Variants in QRICH2 observed in about 807,000 individuals in gnomAD.
The protein encoded by QRICH2 is glutamine-rich protein 2.
A neutral mutation model predicts 168.3 loss-of-function variants in QRICH2; 119 were observed. That is an observed-to-expected ratio of 0.71 (90% CI 0.61 to 0.82). The LOEUF (loss-of-function observed/expected upper bound fraction) is 0.82, where lower values mean the gene tolerates loss of function less well. QRICH2 is among the 40% of genes least tolerant of loss of function. The pLI, the probability that QRICH2 is intolerant of heterozygous loss-of-function variation, is 0.00. For synonymous variants in QRICH2, 894 were observed against 951.2 expected (o/e 0.94, Z 1.11); for missense variants, 2,241 against 2,491.6 (o/e 0.90, Z 2.14).
chr17:76,304,766 G>T, intron 2 of QRICH2, 116 bp downstream of exon 2: 1 of 834,138 alleles, frequency 1.2e-6, no homozygotes, highest in Non-Finnish European at 2.1e-6. Context: ...GCAGAGACTT[G>T]AGAGGCAGAG....
At chr17:76,308,807 A>G (rs991008741), upstream of QRICH2, among the ~76,000 whole-genome samples, 2 of 151,788 alleles carry the variant, frequency 1.3e-5, no homozygotes, top group African/African-American at 4.8e-5. Flanking sequence ...GTGCAATGGC[A>G]CGATCTCGGC....
At chr17:76,301,999 A>C (rs1172747908) in intron 3 of QRICH2, among the ~76,000 whole-genome samples, 1 of 151,794 alleles carries the variant, frequency 6.6e-6, no homozygotes, top group Non-Finnish European at 1.5e-5. Flanking sequence ...CCCGGGTTCA[A>C]ATGATTTTCC....
In QRICH2 at chr17:76,291,324, G is replaced by A. The variant is rs375728984; in HGVS notation, c.3403C>T (p.Arg1135Ter). The A allele has an allele frequency of 1.6e-5, 26 of 1,614,138 alleles. No individual in the cohort carries two copies. Among genetic ancestry groups the A allele is most frequent in the African/African-American group, 2.7e-5 (2 of 75,048 alleles). Residue 1135 changes from arginine to a stop codon, truncating the protein, a stop_gained, in exon 4 of 19, where the codon CGA becomes TGA. Transcript: ENST00000680821. LOFTEE classifies it high-confidence loss of function. Reference protein sequence around the residue: ...GQEGLDPNRTRASDRHGIPAQ... With the variant: ...GQEGLDPNRT ...GGAATTCCATGTCGGTCCGAGGCTC[G>A]TGTTCTATTTGGATCCAAACCTTCC... is the stretch of plus-strand genomic sequence containing the variant.
In QRICH2 at chr17:76,275,925, C is replaced by A; in HGVS notation, c.5376G>T (p.Lys1792Asn). ...RKDSSGTSKR[K>N]SQQPRPHVHR... The stretch of plus-strand genomic sequence containing the variant: ...GCACGTGGGGCCTGGGCTGCTGGGA[C>A]TTGCGCTTTGAGGTCCCTGAGCCTG... Residue 1792 changes from lysine to asparagine, a missense_variant, in exon 18 of 19, where the codon AAG (lysine) becomes AAT (asparagine). By Grantham distance (94) the Lys-to-Asn change is moderately conservative. This residue lies in a region of QRICH2 where 189 missense variants were observed against 169.3 expected (regional missense o/e 1.12). Transcript: ENST00000680821. The A allele has an allele frequency of 6.2e-7, 1 of 1,608,708 alleles. No individual in the cohort carries two copies. The highest frequency in any genetic ancestry group is 8.5e-7 in the Non-Finnish European group (1 of 1,179,920).
intron 12 of QRICH2, among the ~76,000 whole-genome samples, 191 bp from the exon 13 acceptor site, chr17:76,279,619 G>C (rs1450216755): frequency 6.6e-6 from 1 of 152,158 alleles, no homozygotes; most frequent in Non-Finnish European, 1.5e-5. Flanking sequence ...AAGCCAGCAG[G>C]CTTCCCATGG....
rs558814781 is a variant in QRICH2 at position 76,307,950 on chromosome 17, T to C, written c.49A>G (p.Ile17Val). Reference protein sequence around the residue: ...VSLRELADLSIGTPEVGAVNF... With the variant: ...VSLRELADLSVGTPEVGAVNF... ...ACGGCGCCCACCTCTGGCGTGCCGA[T>C]GGAGAGGTCCGCCAGCTCCCGGAGG... Residue 17 changes from isoleucine (I) to valine (V), a missense_variant, in exon 1 of 19, where the codon ATC becomes GTC. Around this residue, in one of 3 missense-constraint regions of QRICH2, gnomAD observed 2,047 missense variants for 2,303.8 expected, o/e 0.89. Coordinates refer to ENST00000680821, the MANE Select transcript of QRICH2 (RefSeq NM_001388453.1). The surrounding 1 kb of genome is among the most constrained non-coding windows in gnomAD (Gnocchi z 5.3). 11 of 1,234,852 alleles carry C rather than the reference T, an allele frequency of 8.9e-6. No homozygotes were observed. In the East Asian group the frequency reaches 2.8e-4, roughly 32 times the overall value. The allele number at this position is 1,234,852 out of a possible 1,614,324, so 76.5% of individuals were successfully genotyped here. A position where few individuals can be genotyped will look rare whatever the true frequency, so the allele number is the denominator to read the frequency against.
chr17:76,293,415 C>A lies in QRICH2; in HGVS notation c.1312G>T (p.Asp438Tyr). The stretch of plus-strand genomic sequence containing the variant: ...GATGGTGGCAACATACGTTGCTCAT[C>A]CACGACAAATGGTATCAATTCCCGA... ...DDRELIPFVV[D>Y]EQRMLPPSVP... Residue 438 changes from aspartate to tyrosine, a missense_variant, in exon 4 of 19, where the codon GAT becomes TAT. Coordinates refer to ENST00000680821, the MANE Select transcript of QRICH2 (RefSeq NM_001388453.1). 6.2e-7 allele frequency: 1 copy of A among 1,614,204 alleles called. No individual in the cohort carries two copies. Among genetic ancestry groups the A allele is most frequent in the Non-Finnish European group, 8.5e-7 (1 of 1,180,030 alleles).
In QRICH2 at chr17:76,287,649, A is replaced by C. The variant is rs1013645046; in HGVS notation, c.3896+151T>G. The C allele has an allele frequency of 1.5e-5, 10 of 658,352 alleles. 1 individual carries two copies. Among genetic ancestry groups the C allele is most frequent in the Admixed American group, 1.0e-4 (4 of 39,572 alleles). The allele number at this position is 658,352 out of a possible 1,614,324, so 40.8% of individuals were successfully genotyped here. A position where few individuals can be genotyped will look rare whatever the true frequency, so the allele number is the denominator to read the frequency against. On this transcript the variant is annotated intron_variant, in intron 6 of 18. Coordinates refer to ENST00000680821, the MANE Select transcript of QRICH2 (RefSeq NM_001388453.1). ...TGGGGAACTTCTACCAGTTCCTTGAACTAGACATGGACAATGTGAAGAGCA... is the reference window on the plus strand; with the variant it reads ...TGGGGAACTTCTACCAGTTCCTTGACCTAGACATGGACAATGTGAAGAGCA...
chr17:76,278,487 G>A (rs1404732292), intron 14 of QRICH2, among the ~76,000 whole-genome samples: 2 of 152,232 alleles, frequency 1.3e-5, no homozygotes, highest in African/African-American at 2.4e-5. Context: ...CCATCTCGGC[G>A]CACCTGGCCT....
rs1023200550 is a variant in QRICH2 at position 76,308,144 on chromosome 17, C to A, written c.-146G>T. On this transcript the variant is annotated 5_prime_UTR_variant, in exon 1 of 19. Transcript: ENST00000680821. ...GGTCCGGCCGAGTCACTGGACAGAG[C>A]TCCTGCCTCCAGGGAATCTGCGCCT... 1.2e-5 allele frequency: 14 copies of A among 1,215,706 alleles called. No homozygotes were observed. The South Asian group carries it at 4.3e-4, about 37-fold the overall frequency. 75.3% of individuals were successfully genotyped at this position (1,215,706 alleles called of 1,614,324 possible).
rs1427538149 is a variant in QRICH2 at position 76,292,463 on chromosome 17, C to G, written c.2264G>C (p.Gly755Ala). ...ADHQRGLVPP[G>A]ADQRGLVQPG... ...TTGGACCAAACCACGCTGATCTGCA[C>G]CAGGTGGGACCAAACCACGCTGATG... The change falls in exon 4 of 19, where the codon GGT becomes GCT. Residue 755 changes from glycine to alanine, a missense_variant. Gly to Ala is a moderately conservative substitution (Grantham distance 60). Transcript: ENST00000680821. 3 of 1,546,172 alleles carry G rather than the reference C, an allele frequency of 1.9e-6. No individual in the cohort carries two copies. The highest frequency in any genetic ancestry group is 2.6e-6 in the Non-Finnish European group (3 of 1,139,222).
chr17:76,287,093 G>A, intron 7 of QRICH2, 99 bp downstream of exon 7: 1 of 618,936 alleles, frequency 1.6e-6, no homozygotes, highest in Non-Finnish European at 3.0e-6. Context: ...CACACATGAT[G>A]GGAGGGACCT....
chr17:76,292,637 T>G lies in QRICH2; in HGVS notation c.2090A>C (p.Gln697Pro). Reference sequence around the variant, plus strand: ...TGCACCAGGTTGCACCACATCAATCTGATCTGCACCAGGTTGGACCAAGCC... The same window carrying G: ...TGCACCAGGTTGCACCACATCAATCGGATCTGCACCAGGTTGGACCAAGCC... The part of the protein sequence containing the change: ...QPGLVQPGAD[Q>P]IDVVQPGADQ... The change falls in exon 4 of 19, where the codon CAG (glutamine) becomes CCG (proline). Residue 697 changes from glutamine (Q) to proline (P), a missense_variant. Transcript: ENST00000680821. 1.2e-6 allele frequency: 2 copies of G among 1,614,122 alleles called. No individual in the cohort carries two copies. The highest frequency in any genetic ancestry group is 1.7e-6 in the Non-Finnish European group (2 of 1,180,026).
chr17:76,277,883 T>C, intron 15 of QRICH2, 106 bp downstream of exon 15: 1 of 1,229,962 alleles, frequency 8.1e-7, no homozygotes, highest in Non-Finnish European at 1.2e-6. Context: ...ACACTCCCTT[T>C]TCTCCCCCAG....
At chr17:76,287,043 AACACAC>A (rs56258903) in intron 7 of QRICH2, 143 bp downstream of exon 7, 953 of 202,438 alleles carry the variant, frequency 4.7e-3, no homozygotes, top group African/African-American at 8.0e-3. Context: ...CACACCACAT[AACACAC>A]ACACACACAC....
At chr17:76,289,951 CAAAAA>C in intron 5 of QRICH2, 36 bp downstream of exon 5, 3 of 1,163,088 alleles carry the variant, frequency 2.6e-6, no homozygotes, top group Non-Finnish European at 2.4e-6. Flanking sequence ...AACTCCATCT[CAAAAA>C]AAAAAAAAAG....
intron 17 of QRICH2, among the ~76,000 whole-genome samples, chr17:76,276,368 A>AAGG (rs1178594665): frequency 6.6e-6 from 1 of 152,116 alleles, no homozygotes; most frequent in Non-Finnish European, 1.5e-5. Context: ...CTGAGTTTTG[A>AAGG]AGGAGGAGGA....
intron 7 of QRICH2, 145 bp downstream of exon 7, chr17:76,287,047 C>A: frequency 4.4e-5 from 8 of 183,654 alleles, no homozygotes; most frequent in East Asian, 1.5e-4. Context: ...CCACATAACA[C>A]ACACACACAC....
At position 76,293,987 on chromosome 17, in the gene QRICH2, C is replaced by G. The variant is rs758216227; in HGVS notation, c.740G>C (p.Gly247Ala). ...AGGTGATGTTAAGGAAGTGAACCCT[C>G]CGTGCTTAGAAAATCCCATAAGTGT... is the stretch of plus-strand genomic sequence containing the variant. The part of the protein sequence containing the change: ...SETLMGFSKH[G>A]GFTSLTSPEG... The change falls in exon 4 of 19, where the codon GGA becomes GCA. Residue 247 changes from glycine to alanine, a missense_variant. This residue lies in a region of QRICH2 where 2,047 missense variants were observed against 2,303.8 expected (regional missense o/e 0.89). Coordinates refer to ENST00000680821, the MANE Select transcript of QRICH2 (RefSeq NM_001388453.1). 6.2e-7 allele frequency: 1 copy of G among 1,611,032 alleles called. No individual in the cohort carries two copies. The highest frequency in any genetic ancestry group is 1.3e-5 in the African/African-American group (1 of 74,846).
Sources: allele counts gnomAD v4.1 joint callset (sites outside exome capture counted in the v4.1 genomes callset), GRCh38; gene constraint gnomAD v4.1.1; regional missense constraint gnomAD v4.1.1; non-coding constraint Gnocchi (gnomAD v3.1); transcripts MANE v1.5; gene names NCBI Gene and HGNC (gene_info 2026-07-23, HGNC 2026-07-21).